The following ARHGAP22 variants were observed in gnomAD, a reference collection of about 807,000 sequenced individuals.
ARHGAP22 encodes Rho GTPase activating protein 22, also known as rho GTPase-activating protein 22.
A neutral mutation model predicts 59.1 loss-of-function variants in ARHGAP22; 48 were observed. That is an observed-to-expected ratio of 0.81 (90% confidence interval 0.64 to 1.03). ARHGAP22 has a LOEUF of 1.03. Among genes scored for constraint, ARHGAP22 ranks in the 50% least tolerant of loss-of-function variants. The probability of loss-of-function intolerance (pLI) is 0.00; values close to 1 mark genes in which losing one functional copy is unlikely to be tolerated. For missense variants in ARHGAP22, 1,015 were observed against 958.7 expected (o/e 1.06, Z -0.78); for synonymous variants, 445 against 416.4 (o/e 1.07, Z -0.84).
chr10:48,491,278 C>T (rs996446767), intron 3 of ARHGAP22, among the ~76,000 whole-genome samples: 1 of 152,236 alleles, frequency 6.6e-6, no homozygotes, highest in Non-Finnish European at 1.5e-5. Context: ...TCCTGCTTCA[C>T]GGTTTTTGGA....
intron 4 of ARHGAP22, among the ~76,000 whole-genome samples, chr10:48,465,091 C>T (rs12784663): frequency 0.17 from 26,248 of 152,132 alleles, 2,926 homozygotes; most frequent in East Asian, 0.61. Context: ...GGCCTGCCCC[C>T]GCCTGGCTGA....
At chr10:48,454,776 T>G (rs2046325809) in intron 6 of ARHGAP22, among the ~76,000 whole-genome samples, 1 of 151,540 alleles carries the variant, frequency 6.6e-6, no homozygotes, top group South Asian at 2.1e-4. Context: ...CAGGTATGGC[T>G]CCAGACAGCA....
At chr10:48,486,529 G>A (rs2049878389) in intron 3 of ARHGAP22, among the ~76,000 whole-genome samples, 1 of 151,962 alleles carries the variant, frequency 6.6e-6, no homozygotes, top group Non-Finnish European at 1.5e-5. Flanking sequence ...TAGTAGAGAC[G>A]GGGTTTCACC....
intron 1 of ARHGAP22, among the ~76,000 whole-genome samples, chr10:48,583,540 C>A (rs1477693192): frequency 6.6e-6 from 1 of 152,242 alleles, no homozygotes; most frequent in Non-Finnish European, 1.5e-5. Context: ...TTCATTTATT[C>A]ATTCAGCCAT....
chr10:48,448,916 A>T (rs2045625503), intron 9 of ARHGAP22, among the ~76,000 whole-genome samples: 1 of 152,140 alleles, frequency 6.6e-6, no homozygotes, highest in African/African-American at 2.4e-5. Context: ...CTCAGGACAA[A>T]TGGGTGAGGT....
chr10:48,642,728 AT>A (rs1342275922), intron 1 of ARHGAP22, among the ~76,000 whole-genome samples: 1 of 152,256 alleles, frequency 6.6e-6, no homozygotes. Flanking sequence ...AAAAGCCAAA[AT>A]TGACAAATGG....
chr10:48,626,497 GC>G (rs1328468079), intron 1 of ARHGAP22, among the ~76,000 whole-genome samples: 3 of 152,194 alleles, frequency 2.0e-5, no homozygotes, highest in Non-Finnish European at 4.4e-5. Flanking sequence ...TTAAGCATTT[GC>G]CTTCAGAATT....
intron 4 of ARHGAP22, among the ~76,000 whole-genome samples, chr10:48,467,684 G>A (rs542426526): frequency 3.3e-5 from 5 of 152,150 alleles, no homozygotes; most frequent in Non-Finnish European, 7.3e-5. Context: ...TGGAAAAATC[G>A]TATGTGAAAA....
At chr10:48,630,104 C>G (rs905401638) in intron 1 of ARHGAP22, among the ~76,000 whole-genome samples, 5 of 145,162 alleles carry the variant, frequency 3.4e-5, no homozygotes, top group Admixed American at 1.4e-4. Context: ...ACTTTTTTTT[C>G]TTTTTTCAGA....
intron 1 of ARHGAP22, among the ~76,000 whole-genome samples, chr10:48,611,852 CCT>C (rs2060902384): frequency 7.7e-5 from 3 of 39,056 alleles, no homozygotes; most frequent in African/African-American, 2.2e-4. Context: ...CCTTCCCTTC[CCT>C]TCCCCTCCCC....
At chr10:48,633,157 G>C (rs1240859956) in intron 1 of ARHGAP22, among the ~76,000 whole-genome samples, 1 of 152,232 alleles carries the variant, frequency 6.6e-6, no homozygotes, top group African/African-American at 2.4e-5. Flanking sequence ...ACTCATGTTT[G>C]CTGGGTGACT....
At chr10:48,642,283 A>T (rs2062082678) in intron 1 of ARHGAP22, among the ~76,000 whole-genome samples, 1 of 152,254 alleles carries the variant, frequency 6.6e-6, no homozygotes, top group Non-Finnish European at 1.5e-5. Flanking sequence ...TTGCCAAGAC[A>T]ATCCTAAGCA....
chr10:48,568,818 G>T (rs1378139196), intron 2 of ARHGAP22, among the ~76,000 whole-genome samples: 1 of 152,152 alleles, frequency 6.6e-6, no homozygotes, highest in Non-Finnish European at 1.5e-5. Flanking sequence ...CACTGCCTGG[G>T]TTGGCAGCAC....
intron 3 of ARHGAP22, among the ~76,000 whole-genome samples, chr10:48,522,950 A>C (rs1038912543): frequency 6.6e-6 from 1 of 152,234 alleles, no homozygotes. Context: ...GGTCCTGTTT[A>C]GGTTTTTAAA....
At chr10:48,648,919 G>A (rs1203000374) in intron 1 of ARHGAP22, among the ~76,000 whole-genome samples, 2 of 152,170 alleles carry the variant, frequency 1.3e-5, no homozygotes, top group African/African-American at 2.4e-5. Context: ...ATGTGACAGT[G>A]CTGATTGGAT....
intron 4 of ARHGAP22, among the ~76,000 whole-genome samples, chr10:48,475,796 G>T (rs1407190956): frequency 6.6e-6 from 1 of 152,218 alleles, no homozygotes; most frequent in Admixed American, 6.5e-5. Flanking sequence ...CCTGGTAGAA[G>T]ATGGGCCAGG....
Position 48,450,476 on chromosome 10 carries a change from G to T in ARHGAP22, c.1653C>A (p.Pro551=). Residue 551 remains proline (P), a synonymous_variant, in exon 9 of 10, where the codon CCC becomes CCA. Transcript: ENST00000249601. The stretch of plus-strand genomic sequence containing the variant: ...CCTCGCTGCTGCTGGGGAGCGGGGA[G>T]GGCTCCAGGGCCCAGTCGGTGTGCA... ...SSLHTDWALE[P]SPLPSSSEDP... 6.5e-7 allele frequency: 1 copy of T among 1,537,710 alleles called. No individual in the cohort carries two copies.
the ARHGAP22 span, among the ~76,000 whole-genome samples, chr10:48,439,764 G>A: frequency 1.3e-5 from 2 of 152,142 alleles, no homozygotes; most frequent in Non-Finnish European, 2.9e-5. Flanking sequence ...CCTACGTTGG[G>A]TCTGCTGCTG....
chr10:48,643,764 A>ATATATATATATATATATATATATATAT (rs1554964584), intron 1 of ARHGAP22, among the ~76,000 whole-genome samples: 2 of 144,260 alleles, frequency 1.4e-5, no homozygotes, highest in African/African-American at 5.2e-5. Context: ...AAAAAAAAAA[A>ATATATATATATATATATATATATATAT]ATATATATAT....
Sources: gnomAD v4.1 joint callset for allele counts (sites outside exome capture counted in the v4.1 genomes callset) on GRCh38, gnomAD v4.1.1 for gene constraint, MANE v1.5 for transcripts, NCBI Gene and HGNC (gene_info 2026-07-23, HGNC 2026-07-21) for gene names.